Variants in PTCD2 observed in about 807,000 individuals in gnomAD.
PTCD2 encodes the protein pentatricopeptide repeat domain 2.
PTCD2 carries 31 observed loss-of-function variants against 42.6 expected under a neutral mutation model. That is an observed-to-expected ratio of 0.73 (90% CI 0.55 to 0.98). The LOEUF (loss-of-function observed/expected upper bound fraction) is 0.98, where lower values mean the gene tolerates loss of function less well. PTCD2 is among the 50% of genes least tolerant of loss of function. PTCD2 has a pLI of 0.00. For synonymous variants in PTCD2, 183 were observed against 170.9 expected (o/e 1.07, Z -0.55); for missense variants, 476 against 454.8 (o/e 1.05, Z -0.42).
At chr5:72,337,006 T>C in intron 6 of PTCD2, among the ~76,000 whole-genome samples, 1 of 152,132 alleles carries the variant, frequency 6.6e-6, no homozygotes, top group South Asian at 2.1e-4. Flanking sequence ...AGCTGGGTTA[T>C]AGTGGAAAGA....
chr5:72,333,940 T>C (rs915556998), intron 4 of PTCD2, among the ~76,000 whole-genome samples: 1 of 152,176 alleles, frequency 6.6e-6, no homozygotes, highest in Non-Finnish European at 1.5e-5. Flanking sequence ...CATTGCAGTC[T>C]CATAACTCTT....
chr5:72,322,334 C>A, intron 2 of PTCD2, 70 bp downstream of exon 2: 1 of 936,368 alleles, frequency 1.1e-6, no homozygotes, highest in Non-Finnish European at 1.7e-6. Context: ...TATCCCTATT[C>A]AGTGTCTCCT....
chr5:72,341,907 T>C (rs1026709407), intron 7 of PTCD2, among the ~76,000 whole-genome samples: 1 of 151,408 alleles, frequency 6.6e-6, no homozygotes, highest in African/African-American at 2.4e-5. Flanking sequence ...TATCCAGGCA[T>C]GGTGGCGGGC....
intron 9 of PTCD2, among the ~76,000 whole-genome samples, chr5:72,354,362 G>A (rs866501316): frequency 6.5e-5 from 7 of 107,736 alleles, no homozygotes; most frequent in African/African-American, 2.6e-4. Context: ...CCAGCCTGGC[G>A]ACAGAATGAG....
At chr5:72,333,414 C>T (rs1028966813) in intron 4 of PTCD2, among the ~76,000 whole-genome samples, 1 of 152,066 alleles carries the variant, frequency 6.6e-6, no homozygotes, top group Non-Finnish European at 1.5e-5. Context: ...TCTTCTCCAC[C>T]AGAATTTAAG....
intron 5 of PTCD2, chr5:72,335,455 C>CAAAA (rs11397039): frequency 1.3e-4 from 16 of 122,418 alleles, no homozygotes; most frequent in South Asian, 2.6e-4. Context: ...GACTCCGTCT[C>CAAAA]AAAAAAAAAA....
chr5:72,339,013 T>C (rs1751905253), intron 7 of PTCD2, among the ~76,000 whole-genome samples: 1 of 152,236 alleles, frequency 6.6e-6, no homozygotes, highest in Admixed American at 6.5e-5. Context: ...CAGATTACGT[T>C]GTAATGTTCT....
rs1329548184 is a variant in PTCD2 at position 72,363,552 on chromosome 5, G to A, written c.*5125G>A. On this transcript the variant is annotated 3_prime_UTR_variant, in exon 10 of 10. Transcript: ENST00000380639. ...GGGGAAGAGTGGGAAGTCTGGCCTT[G>A]TCTCTGGACTCCTGAGTAAATAATG... 6.6e-6 allele frequency: 1 copy of A among 152,532 alleles called. No individual in the cohort carries two copies. Among genetic ancestry groups the A allele is most frequent in the South Asian group, 2.1e-4 (1 of 4,826 alleles). The allele number at this position is 152,532 out of a possible 1,614,324, so 9.4% of individuals were successfully genotyped here.
At position 72,358,287 on chromosome 5, in the gene PTCD2, G is replaced by C. The variant is rs1335573275; in HGVS notation, c.1027G>C (p.Gly343Arg). Residue 343 changes from glycine to arginine, a missense_variant, in exon 10 of 10, where the codon GGC becomes CGC. By Grantham distance (125) the Gly-to-Arg change is moderately radical. Transcript: ENST00000380639. ...DEIYGTLHIT[G>R]QVTTDSLDAV... is the part of the protein sequence containing the mutation. ...GATCTATGGGACACTGCACATCACT[G>C]GCCAGGTCACCACTGATTCTTTGGA... The C allele has an allele frequency of 6.2e-7, 1 of 1,614,026 alleles. No homozygotes were observed. Among genetic ancestry groups the C allele is most frequent in the Non-Finnish European group, 8.5e-7 (1 of 1,179,984 alleles).
At chr5:72,347,298 G>A (rs924175370) in intron 8 of PTCD2, among the ~76,000 whole-genome samples, 15 of 152,182 alleles carry the variant, frequency 9.9e-5, no homozygotes, top group South Asian at 2.1e-4. Flanking sequence ...AAGACTGGAT[G>A]TCAAAAACCA....
rs1411853736 is a variant in PTCD2 at position 72,361,253 on chromosome 5, G to A, written c.*2826G>A. ...GACTTTAAACAACACCAGTCATTGTGTTATTTCTCATTATCCTAAGTACTG... is the reference window on the plus strand; with the variant it reads ...GACTTTAAACAACACCAGTCATTGTATTATTTCTCATTATCCTAAGTACTG... On this transcript the variant is annotated 3_prime_UTR_variant, in exon 10 of 10. Coordinates refer to ENST00000380639, the MANE Select transcript of PTCD2 (RefSeq NM_024754.5). 6.6e-6 allele frequency: 1 copy of A among 152,164 alleles called. No homozygotes were observed. 9.4% of individuals were successfully genotyped at this position (152,164 alleles called of 1,614,324 possible).
At chr5:72,336,621 G>T (rs1369816042) in intron 6 of PTCD2, among the ~76,000 whole-genome samples, 2 of 150,362 alleles carry the variant, frequency 1.3e-5, no homozygotes, top group East Asian at 2.0e-4. Flanking sequence ...TGAGGCAGGA[G>T]AATTGCTTGA....
chr5:72,328,490 G>C (rs1751259888), intron 3 of PTCD2, among the ~76,000 whole-genome samples: 1 of 152,228 alleles, frequency 6.6e-6, no homozygotes. Context: ...CCAAAGTCAA[G>C]GGGAGGGGAA....
At chr5:72,332,374 T>C (rs900102920) in intron 4 of PTCD2, among the ~76,000 whole-genome samples, 3 of 152,172 alleles carry the variant, frequency 2.0e-5, no homozygotes, top group Admixed American at 6.6e-5. Flanking sequence ...TGTTTTTTTT[T>C]GTTCCATAAG....
chr5:72,339,547 TTC>T lies in PTCD2; in HGVS notation c.753+813_753+814del, dbSNP rs555436567. Among the ~76,000 whole-genome samples the T allele has an allele frequency of 6.6e-5, 10 of 152,268 alleles. No individual in the cohort carries two copies. The South Asian group carries it at 2.1e-3, about 32-fold the overall frequency. ...AAGGACAAGCCAAGAGGTTATACAC[TTC>T]CCAGCCTTCTGCTGGGCCAAGATCA... On this transcript the variant is annotated intron_variant, in intron 7 of 9. Coordinates refer to ENST00000380639, the MANE Select transcript of PTCD2 (RefSeq NM_024754.5).
At chr5:72,334,734 A>G (rs532735557) in intron 4 of PTCD2, among the ~76,000 whole-genome samples, 3 of 152,138 alleles carry the variant, frequency 2.0e-5, no homozygotes, top group African/African-American at 2.4e-5. Flanking sequence ...TATTTTTAGT[A>G]GAGACGGGGT....
Position 72,365,464 on chromosome 5 carries a change from G to A in PTCD2, c.*7037G>A, listed in dbSNP as rs1294390520. 1 of 152,156 alleles carries A rather than the reference G, an allele frequency of 6.6e-6. No individual in the cohort carries two copies. Among genetic ancestry groups the A allele is most frequent in the Non-Finnish European group, 1.5e-5 (1 of 68,038 alleles). The allele number at this position is 152,156 out of a possible 1,614,324, so 9.4% of individuals were successfully genotyped here. A position where few individuals can be genotyped will look rare whatever the true frequency, so the allele number is the denominator to read the frequency against. On this transcript the variant is annotated 3_prime_UTR_variant, in exon 10 of 10. Coordinates refer to ENST00000380639, the MANE Select transcript of PTCD2 (RefSeq NM_024754.5). ...TGTTACAATTGACAGCATGAAGGAA[G>A]GCATAACCCCTGCAAAGTGACTGCC... is the stretch of plus-strand genomic sequence containing the variant.
chr5:72,327,920 T>C (rs1751233476), intron 3 of PTCD2, among the ~76,000 whole-genome samples: 1 of 152,256 alleles, frequency 6.6e-6, no homozygotes, highest in South Asian at 2.1e-4. Flanking sequence ...ATGGATTATG[T>C]ATTTTTTGTT....
At chr5:72,344,986 A>G (rs1382660096) in intron 8 of PTCD2, among the ~76,000 whole-genome samples, 4 of 152,202 alleles carry the variant, frequency 2.6e-5, no homozygotes, top group Admixed American at 2.0e-4. Flanking sequence ...ATTGTCATTG[A>G]TAACATCTTA....
Sources: gnomAD v4.1 joint callset for allele counts (sites outside exome capture counted in the v4.1 genomes callset) on GRCh38, gnomAD v4.1.1 for gene constraint, MANE v1.5 for transcripts, NCBI Gene and HGNC (gene_info 2026-07-23, HGNC 2026-07-21) for gene names.